Variants in ILDR1 observed in about 807,000 individuals in gnomAD.
ILDR1 encodes the protein immunoglobulin-like domain-containing receptor 1.
ILDR1 carries 56 observed loss-of-function variants against 62.4 expected under a neutral mutation model. The ratio of observed to expected loss-of-function variants is 0.90; its 90% CI spans 0.72 to 1.12. ILDR1 has a LOEUF of 1.12. Ranked by LOEUF, ILDR1 falls within the 50% of genes most tolerant of loss-of-function variation. ILDR1 has a pLI of 0.00. For missense variants in ILDR1, 736 were observed against 710.6 expected, an observed-to-expected ratio of 1.04 and a Z score of -0.41; for synonymous variants, 284 against 277.8, an observed-to-expected ratio of 1.02 and a Z score of -0.22.
the ILDR1 span, among the ~76,000 whole-genome samples, chr3:122,028,356 AG>A: frequency 4.8e-5 from 7 of 147,252 alleles, no homozygotes; most frequent in East Asian, 1.2e-3. Context: ...AAAAAAAAAA[AG>A]GAGGAAAACT....
At position 122,005,398 on chromosome 3, in the gene ILDR1, G is replaced by T; in HGVS notation, c.230-5C>A. Reference sequence around the variant, plus strand: ...GGGATAAAGCTGCCTGGTATGCTGAGGAGAGAGGGCACACTAGAGTCACAC... The same window carrying T: ...GGGATAAAGCTGCCTGGTATGCTGATGAGAGAGGGCACACTAGAGTCACAC... On this transcript the variant is annotated splice_polypyrimidine_tract_variant and splice_region_variant and intron_variant, in intron 2 of 7. Coordinates refer to ENST00000344209, the MANE Select transcript of ILDR1 (RefSeq NM_001199799.2). 6.2e-7 allele frequency: 1 copy of T among 1,614,164 alleles called. No homozygotes were observed. The highest frequency in any genetic ancestry group is 8.5e-7 in the Non-Finnish European group (1 of 1,180,026).
the ILDR1 span, among the ~76,000 whole-genome samples, chr3:122,041,742 T>C: frequency 1.3e-5 from 2 of 152,132 alleles, no homozygotes; most frequent in African/African-American, 2.4e-5. Context: ...CAACTGATTT[T>C]TGTGTGTTGA....
At chr3:122,029,533 T>TATATATATATATATA in the ILDR1 span, among the ~76,000 whole-genome samples, 2 of 148,774 alleles carry the variant, frequency 1.3e-5, no homozygotes, top group African/African-American at 5.0e-5. Flanking sequence ...TATATATATA[T>TATATATATATATATA]TTAGGGGAAT....
intron 1 of ILDR1, among the ~76,000 whole-genome samples, chr3:122,015,795 C>A (rs2071768597): frequency 6.6e-6 from 1 of 152,160 alleles, no homozygotes; most frequent in South Asian, 2.1e-4. Context: ...TTATTTATCG[C>A]CGAAATATTT....
chr3:122,059,836 G>C, the ILDR1 span, among the ~76,000 whole-genome samples: 2 of 152,106 alleles, frequency 1.3e-5, no homozygotes, highest in Non-Finnish European at 2.9e-5. Context: ...CAATTGTTGT[G>C]CTTATTGTAA....
At chr3:122,056,569 T>A in the ILDR1 span, among the ~76,000 whole-genome samples, 1 of 152,160 alleles carries the variant, frequency 6.6e-6, no homozygotes, top group Non-Finnish European at 1.5e-5. Context: ...CTTGACCTTG[T>A]GATCTGGCCA....
upstream of ILDR1, among the ~76,000 whole-genome samples, chr3:122,025,909 C>T (rs1029318077): frequency 6.6e-6 from 1 of 152,104 alleles, no homozygotes; most frequent in African/African-American, 2.4e-5. Flanking sequence ...TATAGATATA[C>T]TCAATAAATA....
intron 7 of ILDR1, among the ~76,000 whole-genome samples, chr3:121,992,413 C>T (rs763605024): frequency 6.6e-6 from 1 of 152,228 alleles, no homozygotes; most frequent in Non-Finnish European, 1.5e-5. Flanking sequence ...GCTGGGATTA[C>T]AGGCATGAAC....
chr3:122,011,654 TTCTCTC>T (rs142396206), intron 1 of ILDR1, among the ~76,000 whole-genome samples: 5 of 67,628 alleles, frequency 7.4e-5, no homozygotes, highest in African/African-American at 1.2e-4. Context: ...CTGTCTCTCT[TTCTCTC>T]TCTCTCTCTC....
chr3:122,008,767 T>C (rs1352425444), intron 1 of ILDR1, among the ~76,000 whole-genome samples: 2 of 151,466 alleles, frequency 1.3e-5, no homozygotes, highest in Middle Eastern at 6.3e-3. Flanking sequence ...CTAATTTTTG[T>C]ATTTTAGTAG....
At chr3:122,003,618 A>T (rs1228947738) in intron 3 of ILDR1, among the ~76,000 whole-genome samples, 2 of 152,214 alleles carry the variant, frequency 1.3e-5, no homozygotes, top group Non-Finnish European at 2.9e-5. Flanking sequence ...TAGGCAAAAA[A>T]GTGTCAGAAA....
chr3:122,052,528 G>A, the ILDR1 span, among the ~76,000 whole-genome samples: 1 of 152,132 alleles, frequency 6.6e-6, no homozygotes. Flanking sequence ...TAAGACAGAG[G>A]CTAGTCCCTC....
chr3:122,012,985 A>G (rs1377676226), intron 1 of ILDR1, among the ~76,000 whole-genome samples: 1 of 152,186 alleles, frequency 6.6e-6, no homozygotes, highest in African/African-American at 2.4e-5. Context: ...GAAACTTCAG[A>G]TGAGATATCA....
rs2071391922 is a variant in ILDR1, at chr3:121,993,691, C to T, written c.1058G>A (p.Trp353Ter). The change falls in exon 7 of 8, where the codon TGG becomes TAG. Residue 353 changes from tryptophan to a stop codon, truncating the protein, a stop_gained. Transcript: ENST00000344209. LOFTEE classifies it high-confidence loss of function. ...GGGCCTGGAGGGAATTGGGGTGAGC[C>T]ACTGCTGGTGCAGGGAGTCACTGGT... ...RRTSDSLHQQ[W>*]LTPIPSRPWD... The T allele has an allele frequency of 6.2e-7, 1 of 1,614,148 alleles. No homozygotes were observed. The highest frequency in any genetic ancestry group is 8.5e-7 in the Non-Finnish European group (1 of 1,179,998).
intron 1 of ILDR1, among the ~76,000 whole-genome samples, chr3:122,021,333 T>C (rs1361297309): frequency 6.6e-6 from 1 of 152,086 alleles, no homozygotes. Context: ...AGATACACAC[T>C]TCTGTCAGAT....
intron 7 of ILDR1, 138 bp downstream of exon 7, chr3:121,993,010 CCA>C: frequency 1.3e-6 from 1 of 741,474 alleles, no homozygotes; most frequent in East Asian, 2.7e-5. Context: ...TCCACCTAGC[CCA>C]CAGTGTAATT....
rs1398175780 is a variant in ILDR1 at position 122,007,053 on chromosome 3, A to C, written c.167T>G (p.Val56Gly). ...GGACTTGAAGCGCCATGTCACCACCACGTCCTGGAGCTGGGCAGAGGTGGT... is the reference window on the plus strand; with the variant it reads ...GGACTTGAAGCGCCATGTCACCACCCCGTCCTGGAGCTGGGCAGAGGTGGT... ...DYTTSAQLQD[V>G]VVTWRFKSFC... Residue 56 changes from valine (V) to glycine (G), a missense_variant, in exon 2 of 8, where the codon GTG (valine) becomes GGG (glycine). Transcript: ENST00000344209. The C allele has an allele frequency of 8.7e-6, 14 of 1,614,032 alleles. No individual in the cohort carries two copies. Among genetic ancestry groups the C allele is most frequent in the Non-Finnish European group, 1.2e-5 (14 of 1,180,002 alleles).
chr3:122,012,648 TC>T (rs1240601431), intron 1 of ILDR1, among the ~76,000 whole-genome samples: 1 of 152,192 alleles, frequency 6.6e-6, no homozygotes, highest in African/African-American at 2.4e-5. Context: ...AATACCTGCC[TC>T]AGAGGGTTGT....
chr3:122,001,210 G>T, intron 5 of ILDR1, 98 bp downstream of exon 5: 1 of 1,363,006 alleles, frequency 7.3e-7, no homozygotes. Flanking sequence ...GCATGGAGGA[G>T]AACCTGGAAG....
Sources: gnomAD v4.1 joint callset for allele counts (sites outside exome capture counted in the v4.1 genomes callset) on GRCh38, gnomAD v4.1.1 for gene constraint, MANE v1.5 for transcripts, NCBI Gene and HGNC (gene_info 2026-07-23, HGNC 2026-07-21) for gene names.